Variants in PLEKHA6 observed in about 807,000 individuals in gnomAD.
The protein encoded by PLEKHA6 is pleckstrin homology domain-containing family A member 6.
PLEKHA6 carries 60 observed loss-of-function variants against 116.7 expected under a neutral mutation model. The ratio of observed to expected loss-of-function variants is 0.51; its 90% CI spans 0.42 to 0.64. The LOEUF (loss-of-function observed/expected upper bound fraction) is 0.64. Among genes scored for constraint, PLEKHA6 ranks in the 30% least tolerant of loss-of-function variants. The pLI, the probability that PLEKHA6 is intolerant of heterozygous loss-of-function variation, is 0.00. For missense variants in PLEKHA6, 1,338 were observed against 1,422.7 expected, an observed-to-expected ratio of 0.94 and a Z score of 0.96; for synonymous variants, 489 against 556.1, an observed-to-expected ratio of 0.88 and a Z score of 1.70.
chr1:204,348,362 G>A (rs888843726), intron 1 of PLEKHA6, among the ~76,000 whole-genome samples: 1 of 152,118 alleles, frequency 6.6e-6, no homozygotes, highest in Admixed American at 6.6e-5. Context: ...AAGCTGAAAA[G>A]AGAATACGCC....
At chr1:204,284,712 A>G (rs1042352436) in intron 1 of PLEKHA6, among the ~76,000 whole-genome samples, 5 of 152,016 alleles carry the variant, frequency 3.3e-5, no homozygotes, top group African/African-American at 1.2e-4. Flanking sequence ...ATGGCAAGGA[A>G]TGGACAGCGT....
At chr1:204,227,131 C>T (rs1372697872) in intron 21 of PLEKHA6, among the ~76,000 whole-genome samples, 9 of 152,222 alleles carry the variant, frequency 5.9e-5, no homozygotes, top group African/African-American at 9.6e-5. Flanking sequence ...TTCTGAGCCA[C>T]GGTTCTAACC....
chr1:204,361,732 A>G (rs1156829975), upstream of PLEKHA6, among the ~76,000 whole-genome samples: 1 of 152,242 alleles, frequency 6.6e-6, no homozygotes, highest in Non-Finnish European at 1.5e-5. Flanking sequence ...CTGGCTCTCC[A>G]GGACTTGGCA....
At chr1:204,367,528 C>T (rs1307628063) in intron 3 of PLEKHA6, among the ~76,000 whole-genome samples, 1 of 152,068 alleles carries the variant, frequency 6.6e-6, no homozygotes, top group Non-Finnish European at 1.5e-5. Context: ...CTCCTTCCCA[C>T]CGGTACAGCC....
At position 204,223,386 on chromosome 1, in the gene PLEKHA6, G is replaced by A; in HGVS notation, c.*8+76C>T. On this transcript the variant is annotated intron_variant, in intron 22 of 22. Transcript: ENST00000272203. This position sits in a 1 kb window ranked among gnomAD's most constrained non-coding sequence, Gnocchi z 4.8. ...GGAGAAGCAATACCAAAATGAGAGG[G>A]CATAGATGGCTCAATGGGGGTGAAG... 1 of 752,970 alleles carries A rather than the reference G, an allele frequency of 1.3e-6. No individual in the cohort carries two copies. The highest frequency in any genetic ancestry group is 2.4e-6 in the Non-Finnish European group (1 of 417,364). 46.6% of individuals were successfully genotyped at this position (752,970 alleles called of 1,614,324 possible). A position where few individuals can be genotyped will look rare whatever the true frequency, so the allele number is the denominator to read the frequency against.
intron 1 of PLEKHA6, chr1:204,282,804 T>A (rs1194981915): frequency 1.0e-6 from 1 of 985,284 alleles, no homozygotes; most frequent in East Asian, 1.1e-4. Context: ...TCTTGTTCCC[T>A]TCTAAAGAGA....
intron 1 of PLEKHA6, chr1:204,325,979 A>T: frequency 2.4e-6 from 2 of 824,884 alleles, no homozygotes; most frequent in Non-Finnish European, 2.9e-6. Flanking sequence ...CCCTCTGCCC[A>T]CAGCAAGCCC....
chr1:204,331,635 G>A (rs1257397133), intron 1 of PLEKHA6, among the ~76,000 whole-genome samples: 1 of 152,188 alleles, frequency 6.6e-6, no homozygotes, highest in African/African-American at 2.4e-5. Flanking sequence ...TAGAAGGTGA[G>A]AGAATCATGC....
At chr1:204,310,218 T>G (rs777806004) in intron 1 of PLEKHA6, among the ~76,000 whole-genome samples, 1 of 152,086 alleles carries the variant, frequency 6.6e-6, no homozygotes, top group Non-Finnish European at 1.5e-5. Flanking sequence ...AGATGAGAGA[T>G]AGATCGAGAG....
intron 1 of PLEKHA6, among the ~76,000 whole-genome samples, chr1:204,375,196 A>G (rs1027764497): frequency 1.3e-5 from 2 of 149,936 alleles, no homozygotes; most frequent in African/African-American, 4.9e-5. Flanking sequence ...GGGTCGTTCT[A>G]CCCCCACACG....
chr1:204,328,036 C>T (rs1300963767), intron 1 of PLEKHA6, among the ~76,000 whole-genome samples: 1 of 145,262 alleles, frequency 6.9e-6, no homozygotes, highest in Non-Finnish European at 1.5e-5. Flanking sequence ...AAAGAAGCTG[C>T]TTTTATTTAT....
chr1:204,306,849 A>AG (rs1671358165), intron 1 of PLEKHA6, among the ~76,000 whole-genome samples: 1 of 152,184 alleles, frequency 6.6e-6, no homozygotes, highest in Admixed American at 6.5e-5. Context: ...AATTAAAAAA[A>AG]CAAGTGTTCT....
intron 1 of PLEKHA6, among the ~76,000 whole-genome samples, chr1:204,290,042 A>G (rs1238979074): frequency 6.6e-6 from 1 of 152,248 alleles, no homozygotes; most frequent in Admixed American, 6.5e-5. Context: ...GTGAAATAAA[A>G]TCCAAATAAA....
intron 21 of PLEKHA6, among the ~76,000 whole-genome samples, 180 bp downstream of exon 21, chr1:204,227,903 C>A (rs1447133072): frequency 6.6e-6 from 1 of 152,186 alleles, no homozygotes; most frequent in East Asian, 1.9e-4. Flanking sequence ...CCCCTTTGCA[C>A]CTCCCTGAGC....
chr1:204,227,994 G>GC (rs1660599957), intron 21 of PLEKHA6, 89 bp downstream of exon 21: 3 of 1,325,226 alleles, frequency 2.3e-6, no homozygotes, highest in Non-Finnish European at 2.1e-6. Context: ...CTTTGCTACT[G>GC]CCCCCCTTGT....
chr1:204,310,580 C>T (rs747859718), intron 1 of PLEKHA6, among the ~76,000 whole-genome samples: 3 of 152,170 alleles, frequency 2.0e-5, no homozygotes, highest in Non-Finnish European at 4.4e-5. Context: ...TGACTTTTTA[C>T]GCCAAAAACG....
chr1:204,282,899 G>A lies in PLEKHA6; in HGVS notation c.-94-8090C>T, dbSNP rs556627486. Reference sequence around the variant, plus strand: ...TCCTCAGTAGCTAAGCCAGACAGAAGCAGAGAAAAAAGGCCCCAGCCCCCT... The same window carrying A: ...TCCTCAGTAGCTAAGCCAGACAGAAACAGAGAAAAAAGGCCCCAGCCCCCT... On this transcript the variant is annotated intron_variant, in intron 1 of 22. Coordinates refer to ENST00000272203, the MANE Select transcript of PLEKHA6 (RefSeq NM_014935.5). 13 of 756,556 alleles carry A rather than the reference G, an allele frequency of 1.7e-5. No individual in the cohort carries two copies. In the South Asian group the frequency reaches 6.0e-4, roughly 35 times the overall value. 46.9% of individuals were successfully genotyped at this position (756,556 alleles called of 1,614,324 possible).
chr1:204,354,488 GA>G (rs1309603391), intron 1 of PLEKHA6, among the ~76,000 whole-genome samples: 3 of 152,198 alleles, frequency 2.0e-5, no homozygotes, highest in Non-Finnish European at 1.5e-5. Context: ...CTTGCCTTCC[GA>G]AATATGATGT....
At chr1:204,310,911 C>G (rs1671633882) in intron 1 of PLEKHA6, among the ~76,000 whole-genome samples, 1 of 152,180 alleles carries the variant, frequency 6.6e-6, no homozygotes, top group African/African-American at 2.4e-5. Context: ...AAGAATGCCT[C>G]CGGTGATGAT....
Sources: allele counts gnomAD v4.1 joint callset (sites outside exome capture counted in the v4.1 genomes callset), GRCh38; gene constraint gnomAD v4.1.1; non-coding constraint Gnocchi (gnomAD v3.1); transcripts MANE v1.5; gene names NCBI Gene and HGNC (gene_info 2026-07-23, HGNC 2026-07-21).